The following UNC13A variants were observed in gnomAD, a reference collection of about 807,000 sequenced individuals.
UNC13A encodes the protein protein unc-13 homolog A.
In UNC13A, 61 loss-of-function variants were observed where a neutral mutation model predicts 219.7. The observed-to-expected ratio is 0.28, with a 90% CI of 0.23 to 0.34. The LOEUF is 0.34. UNC13A is among the 10% of genes least tolerant of loss of function. UNC13A has a pLI of 1.00. For missense variants in UNC13A, 1,476 were observed against 2,270.3 expected (o/e 0.65, Z 7.11); for synonymous variants, 920 against 884.6 (o/e 1.04, Z -0.71).
rs2076581246 is a variant in UNC13A, at chr19:17,609,714, C to T, written c.4811+226G>A. Among the ~76,000 whole-genome samples, 4 of 152,174 alleles carry T rather than the reference C, an allele frequency of 2.6e-5. 1 individual carries two copies. In the South Asian group the frequency reaches 8.3e-4, roughly 31 times the overall value. ...TTACCCCACTCTACTCATTGCCTCC[C>T]CTTGGATCTGCCAGCCCCCAAAGGT... On this transcript the variant is annotated intron_variant, in intron 43 of 43. Coordinates refer to ENST00000519716, the MANE Select transcript of UNC13A (RefSeq NM_001080421.3).
intron 41 of UNC13A, chr19:17,614,128 C>G (rs1029563273): frequency 4.6e-5 from 7 of 152,114 alleles, no homozygotes; most frequent in Non-Finnish European, 1.0e-4. Flanking sequence ...GCCTCAGCCT[C>G]CTGAGTAGCT....
At chr19:17,632,955 C>A in intron 27 of UNC13A, 47 bp from the exon 28 acceptor site, 1 of 1,612,802 alleles carries the variant, frequency 6.2e-7, no homozygotes, top group Non-Finnish European at 8.5e-7. Flanking sequence ...GTCTGCCACC[C>A]TCTGTCTCGG....
intron 4 of UNC13A, among the ~76,000 whole-genome samples, chr19:17,672,144 T>G (rs2079800924): frequency 6.6e-6 from 1 of 152,044 alleles, no homozygotes; most frequent in Non-Finnish European, 1.5e-5. Context: ...GATGCAATGG[T>G]GAGCCTAAAG....
At chr19:17,623,933 G>A (rs1222893342) in intron 35 of UNC13A, among the ~76,000 whole-genome samples, 2 of 151,948 alleles carry the variant, frequency 1.3e-5, no homozygotes, top group African/African-American at 4.8e-5. Flanking sequence ...TATCGGTCCT[G>A]GTCTCTGGAT....
At chr19:17,673,983 C>G (rs747136384) in intron 3 of UNC13A, among the ~76,000 whole-genome samples, 2 of 152,250 alleles carry the variant, frequency 1.3e-5, no homozygotes, top group Non-Finnish European at 2.9e-5. Flanking sequence ...TGTACTCCAG[C>G]CTGGGCAACA....
chr19:17,647,130 C>G, intron 17 of UNC13A, 135 bp downstream of exon 17: 2 of 808,936 alleles, frequency 2.5e-6, no homozygotes, highest in Non-Finnish European at 3.9e-6. Flanking sequence ...CGTGCACACA[C>G]GGAGATGAGA....
chr19:17,640,186 C>T (rs138224645), intron 22 of UNC13A, among the ~76,000 whole-genome samples: 284 of 152,246 alleles, frequency 1.9e-3, no homozygotes, highest in African/African-American at 6.3e-3. Flanking sequence ...AGGCACAGGC[C>T]ACCACACCCA....
chr19:17,667,033 C>A (rs1322115963), intron 6 of UNC13A, among the ~76,000 whole-genome samples: 4 of 152,138 alleles, frequency 2.6e-5, no homozygotes, highest in African/African-American at 9.7e-5. Flanking sequence ...GCGGGCAGAT[C>A]ACGAGGTCAA....
chr19:17,633,723 A>G (rs57798753), intron 26 of UNC13A, among the ~76,000 whole-genome samples: 1 of 151,286 alleles, frequency 6.6e-6, no homozygotes, highest in Admixed American at 6.6e-5. Flanking sequence ...TCACCTATCC[A>G]TCTATCTATT....
In UNC13A at chr19:17,688,263, C is replaced by T. The variant is rs2080153699; in HGVS notation, c.-64G>A. ...GGCTCTGTCGGGTCGGGCTCAGCGG[C>T]CGCTGGGCTGGGGCATCTCCCGGCT... On this transcript the variant is annotated 5_prime_UTR_variant, in exon 1 of 44. Coordinates refer to ENST00000519716, the MANE Select transcript of UNC13A (RefSeq NM_001080421.3). 6 of 1,405,346 alleles carry T rather than the reference C, an allele frequency of 4.3e-6. No individual in the cohort carries two copies. The highest frequency in any genetic ancestry group is 4.6e-6 in the Non-Finnish European group (5 of 1,080,316). The allele number at this position is 1,405,346 out of a possible 1,614,324, so 87.1% of individuals were successfully genotyped here. A position where few individuals can be genotyped will look rare whatever the true frequency, so the allele number is the denominator to read the frequency against.
At position 17,602,653 on chromosome 19, in the gene UNC13A, T is replaced by G. The variant is rs1333498058; in HGVS notation, c.*3401A>C. The G allele has an allele frequency of 6.6e-6, 1 of 152,308 alleles. No individual in the cohort carries two copies. The highest frequency in any genetic ancestry group is 1.5e-5 in the Non-Finnish European group (1 of 68,134). 9.4% of individuals were successfully genotyped at this position (152,308 alleles called of 1,614,324 possible). ...AGGAACTTCCTGATTTCAAAAGGCT[T>G]TCAGCCCCCTGGACTCCTTGTCTTT... On this transcript the variant is annotated 3_prime_UTR_variant, in exon 44 of 44. Transcript: ENST00000519716.
rs1328322957 is a variant in UNC13A at position 17,655,749 on chromosome 19, C to T, written c.1283+134G>A. On this transcript the variant is annotated intron_variant, in intron 10 of 43. Coordinates refer to ENST00000519716, the MANE Select transcript of UNC13A (RefSeq NM_001080421.3). ...CCTACTCTGCCCTGTCACCTCTGAT[C>T]CCTTTAAGAAACCCAAGAGCCTGTG... 2.1e-6 allele frequency: 3 copies of T among 1,420,254 alleles called. No homozygotes were observed. The African/African-American group carries it at 4.3e-5, about 20-fold the overall frequency. 88.0% of individuals were successfully genotyped at this position (1,420,254 alleles called of 1,614,324 possible).
intron 41 of UNC13A, among the ~76,000 whole-genome samples, chr19:17,615,550 G>A (rs142101233): frequency 1.4e-4 from 22 of 152,102 alleles, no homozygotes; most frequent in African/African-American, 4.3e-4. Context: ...GTGGTGGTGC[G>A]GGCCTGTAAT....
At chr19:17,622,361 C>T (rs2076737898) in intron 36 of UNC13A, 1 of 157,756 alleles carries the variant, frequency 6.3e-6, no homozygotes, top group Non-Finnish European at 1.4e-5. Flanking sequence ...TAATATCCAC[C>T]TCACTCAAAG....
rs1416154008 is a variant in UNC13A, at chr19:17,620,732, G to C, written c.4243-10C>G. On this transcript the variant is annotated splice_polypyrimidine_tract_variant and intron_variant, in intron 37 of 43. Coordinates refer to ENST00000519716, the MANE Select transcript of UNC13A (RefSeq NM_001080421.3). ...GCAATTTCACCCTGCCCTGTGGAGA[G>C]AATCAGGTGGAGGTCAGAGTTCTGG... The C allele has an allele frequency of 6.2e-7, 1 of 1,612,576 alleles. No homozygotes were observed. Among genetic ancestry groups the C allele is most frequent in the East Asian group, 2.2e-5 (1 of 44,860 alleles).
In UNC13A at chr19:17,603,698, T is replaced by C. The variant is rs537903203; in HGVS notation, c.*2356A>G. The C allele has an allele frequency of 4.6e-5, 7 of 152,106 alleles. No homozygotes were observed. Among genetic ancestry groups the C allele is most frequent in the Admixed American group, 3.9e-4 (6 of 15,270 alleles). The allele number at this position is 152,106 out of a possible 1,614,324, so 9.4% of individuals were successfully genotyped here. ...TCACAAACATACAACACTCAATATC[T>C]AGGATTTGCACGTGGCCTTCTTAGC... On this transcript the variant is annotated 3_prime_UTR_variant, in exon 44 of 44. Transcript: ENST00000519716.
At chr19:17,658,036 T>C (rs777746465) in intron 9 of UNC13A, 26 bp downstream of exon 9, 1 of 1,607,240 alleles carries the variant, frequency 6.2e-7, no homozygotes, top group Admixed American at 1.7e-5. Flanking sequence ...AGGACCCACA[T>C]GCATGCTGCA....
intron 1 of UNC13A, among the ~76,000 whole-genome samples, chr19:17,686,098 CTTCCCCAGCCTT>C (rs139778862): frequency 0.014 from 2,079 of 151,926 alleles, 25 homozygotes; most frequent in Middle Eastern, 0.031. Context: ...CTGTCAACCT[CTTCCCCAGCCTT>C]GCCCCTCCCA....
chr19:17,617,887 G>C, intron 40 of UNC13A, 38 bp from the exon 41 acceptor site: 1 of 1,611,250 alleles, frequency 6.2e-7, no homozygotes, highest in Non-Finnish European at 8.5e-7. Flanking sequence ...AGGATGGTGG[G>C]AACCTCTACC....
Sources: gnomAD v4.1 joint callset for allele counts (sites outside exome capture counted in the v4.1 genomes callset) on GRCh38, gnomAD v4.1.1 for gene constraint, MANE v1.5 for transcripts, NCBI Gene and HGNC (gene_info 2026-07-23, HGNC 2026-07-21) for gene names.